THAP2: variants seen among roughly 807,000 people sequenced by gnomAD.
The protein encoded by THAP2 is THAP domain-containing protein 2.
THAP2 carries 16 observed loss-of-function variants against 18.8 expected under a neutral mutation model. That is an observed-to-expected ratio of 0.85 (90% CI 0.58 to 1.29). The LOEUF is 1.29. THAP2 is among the 50% of genes most tolerant of loss of function. The pLI, the probability that THAP2 is intolerant of heterozygous loss-of-function variation, is 0.00. For synonymous variants in THAP2, 80 were observed against 89.2 expected (o/e 0.90, Z 0.58); for missense variants, 251 against 265.3 (o/e 0.95, Z 0.38).
intron 1 of THAP2, among the ~76,000 whole-genome samples, chr12:71,670,198 G>A (rs1236998593): frequency 6.6e-6 from 1 of 152,066 alleles, no homozygotes; most frequent in Non-Finnish European, 1.5e-5. Flanking sequence ...ACCTAATGAG[G>A]CTGCATTTGG....
In THAP2 at chr12:71,679,124, C is replaced by T. The variant is rs1353878913; in HGVS notation, c.*2016C>T. The T allele has an allele frequency of 6.6e-6, 1 of 152,088 alleles. No individual in the cohort carries two copies. Among genetic ancestry groups the T allele is most frequent in the Non-Finnish European group, 1.5e-5 (1 of 67,980 alleles). The allele number at this position is 152,088 out of a possible 1,614,324, so 9.4% of individuals were successfully genotyped here. On this transcript the variant is annotated 3_prime_UTR_variant, in exon 3 of 3. Transcript: ENST00000308086. ...ATACAAAACACTTATTTGTGTAGCC[C>T]AGTTCCCATCTACAGTAATACCTTG...
At chr12:71,675,115 A>C (rs1015408174) in intron 2 of THAP2, among the ~76,000 whole-genome samples, 1 of 152,162 alleles carries the variant, frequency 6.6e-6, no homozygotes, top group African/African-American at 2.4e-5. Context: ...TGGGAAAGAC[A>C]GGGTCACCAA....
chr12:71,670,457 A>G (rs1337307522), intron 1 of THAP2, among the ~76,000 whole-genome samples: 2 of 152,148 alleles, frequency 1.3e-5, no homozygotes, highest in Non-Finnish European at 2.9e-5. Flanking sequence ...CCCTTGAACA[A>G]TGCAGGGTTT....
chr12:71,675,093 G>A (rs1225451915), intron 2 of THAP2, among the ~76,000 whole-genome samples: 1 of 152,014 alleles, frequency 6.6e-6, no homozygotes, highest in East Asian at 1.9e-4. Context: ...TGACCAGAGA[G>A]GAAAACCTAG....
Position 71,677,087 on chromosome 12 carries a change from G to T in THAP2, c.666G>T (p.Gln222His). ...DKTLLSLNLK[Q>H]TKSTFI Reference sequence around the variant, plus strand: ...CACTGCTAAGTCTAAATCTAAAACAGACCAAGAGTACCTTCATTTAAATTT... The same window carrying T: ...CACTGCTAAGTCTAAATCTAAAACATACCAAGAGTACCTTCATTTAAATTT... Residue 222 changes from glutamine to histidine, a missense_variant, in exon 3 of 3, where the codon CAG (glutamine) becomes CAT (histidine). Physicochemically the swap from Gln to His is conservative, Grantham distance 24 (BLOSUM62 0). Coordinates refer to ENST00000308086, the MANE Select transcript of THAP2 (RefSeq NM_031435.4). 6.3e-7 allele frequency: 1 copy of T among 1,591,870 alleles called. No individual in the cohort carries two copies. The highest frequency in any genetic ancestry group is 1.1e-5 in the South Asian group (1 of 87,752).
In THAP2 at chr12:71,664,401, C is replaced by G. The variant is rs1881285729; in HGVS notation, c.-109C>G. 2.9e-6 allele frequency: 4 copies of G among 1,389,300 alleles called. No individual in the cohort carries two copies. The South Asian group carries it at 4.7e-5, about 16-fold the overall frequency. The allele number at this position is 1,389,300 out of a possible 1,614,324, so 86.1% of individuals were successfully genotyped here. A position where few individuals can be genotyped will look rare whatever the true frequency, so the allele number is the denominator to read the frequency against. Reference sequence around the variant, plus strand: ...CCCACTCCGCTCTCACGACTAAGCTCTCACGATTAAGGCACGCCTGCCTCG... The same window carrying G: ...CCCACTCCGCTCTCACGACTAAGCTGTCACGATTAAGGCACGCCTGCCTCG... On this transcript the variant is annotated 5_prime_UTR_variant, in exon 1 of 3. Coordinates refer to ENST00000308086, the MANE Select transcript of THAP2 (RefSeq NM_031435.4).
At position 71,677,649 on chromosome 12, in the gene THAP2, A is replaced by G. The variant is rs2137583629; in HGVS notation, c.*541A>G. ...TTTTACCAGTAAAAGTGAGCTTATC[A>G]TGGCCTCTCTCATAAGAATGATTTT... On this transcript the variant is annotated 3_prime_UTR_variant, in exon 3 of 3. Coordinates refer to ENST00000308086, the MANE Select transcript of THAP2 (RefSeq NM_031435.4). 1 of 151,150 alleles carries G rather than the reference A, an allele frequency of 6.6e-6. No individual in the cohort carries two copies. Among genetic ancestry groups the G allele is most frequent in the South Asian group, 2.1e-4 (1 of 4,800 alleles). The allele number at this position is 151,150 out of a possible 1,614,324, so 9.4% of individuals were successfully genotyped here. A position where few individuals can be genotyped will look rare whatever the true frequency, so the allele number is the denominator to read the frequency against.
chr12:71,665,715 G>A (rs1881324756), intron 1 of THAP2: 1 of 152,206 alleles, frequency 6.6e-6, no homozygotes, highest in South Asian at 2.1e-4. Flanking sequence ...ATGACAGATT[G>A]GGTCCTGTGT....
At chr12:71,676,127 A>G (rs1316815465) in intron 2 of THAP2, among the ~76,000 whole-genome samples, 2 of 152,082 alleles carry the variant, frequency 1.3e-5, no homozygotes, top group Admixed American at 1.3e-4. Flanking sequence ...AAGTCTCCTG[A>G]TTTTGGCAAA....
At chr12:71,673,735 GGTAA>G (rs938714089) in intron 1 of THAP2, among the ~76,000 whole-genome samples, 2 of 152,108 alleles carry the variant, frequency 1.3e-5, no homozygotes, top group African/African-American at 2.4e-5. Context: ...AAAACAAGGT[GGTAA>G]GTGTCTTAAT....
chr12:71,674,269 A>G lies in THAP2; in HGVS notation c.138A>G (p.Pro46=). ...TGGTTAGGCGCAAAAATTTTGTGCCAGGAAAACACACTTTTCTTTGTTCAA... is the reference window on the plus strand; with the variant it reads ...TGGTTAGGCGCAAAAATTTTGTGCCGGGAAAACACACTTTTCTTTGTTCAA... ...VRLVRRKNFV[P]GKHTFLCSKH... The change falls in exon 2 of 3, where the codon CCA becomes CCG. Residue 46 remains proline (P), a synonymous_variant. Coordinates refer to ENST00000308086, the MANE Select transcript of THAP2 (RefSeq NM_031435.4). 1 of 1,613,284 alleles carries G rather than the reference A, an allele frequency of 6.2e-7. No homozygotes were observed. Among genetic ancestry groups the G allele is most frequent in the Non-Finnish European group, 8.5e-7 (1 of 1,179,522 alleles).
chr12:71,675,766 T>C (rs891867770), intron 2 of THAP2, among the ~76,000 whole-genome samples: 2 of 152,116 alleles, frequency 1.3e-5, no homozygotes, highest in Non-Finnish European at 2.9e-5. Context: ...CTAAATTGTA[T>C]AGTATGCCAT....
intron 1 of THAP2, chr12:71,664,783 T>C (rs943224849): frequency 1.3e-4 from 91 of 727,892 alleles, no homozygotes; most frequent in Non-Finnish European, 2.7e-5. Context: ...CTAAAAGAAA[T>C]CCAAGTACTG....
At chr12:71,670,223 A>G (rs553778867) in intron 1 of THAP2, among the ~76,000 whole-genome samples, 2 of 152,200 alleles carry the variant, frequency 1.3e-5, no homozygotes, top group Admixed American at 6.5e-5. Flanking sequence ...TCTGAACCAC[A>G]TGATCTTCTA....
chr12:71,667,326 G>GT (rs1881360601), intron 1 of THAP2, among the ~76,000 whole-genome samples: 1 of 151,926 alleles, frequency 6.6e-6, no homozygotes, highest in South Asian at 2.1e-4. Context: ...CTTCACATTC[G>GT]TATCAGAATA....
rs1881581250 is a variant in THAP2 at position 71,680,330 on chromosome 12, G to A, written c.*3222G>A. The A allele has an allele frequency of 2.0e-5, 3 of 152,434 alleles. No homozygotes were observed. 9.4% of individuals were successfully genotyped at this position (152,434 alleles called of 1,614,324 possible). ...TATCCTTTGTTTAACGTATGAACCA[G>A]GTTACTAAAATAGGATAAATCATGT... is the stretch of plus-strand genomic sequence containing the variant. On this transcript the variant is annotated 3_prime_UTR_variant, in exon 3 of 3. Transcript: ENST00000308086.
In THAP2 at chr12:71,676,787, T is replaced by C. The variant is rs762053556; in HGVS notation, c.366T>C (p.Leu122=). 9.3e-6 allele frequency: 15 copies of C among 1,613,338 alleles called. No homozygotes were observed. The highest frequency in any genetic ancestry group is 1.3e-5 in the Non-Finnish European group (15 of 1,179,572). Residue 122 remains leucine (L), a synonymous_variant, in exon 3 of 3, where the codon CTT becomes CTC. Coordinates refer to ENST00000308086, the MANE Select transcript of THAP2 (RefSeq NM_031435.4). The stretch of plus-strand genomic sequence containing the variant: ...ACATTAGTAGTCAGCAAGTACTACT[T>C]GAACACAGCTATGCCTTTAGGAATC... ...KSNISSQQVL[L]EHSYAFRNPM...
intron 1 of THAP2, 108 bp from the exon 2 acceptor site, chr12:71,674,095 T>C (rs887070383): frequency 1.5e-5 from 17 of 1,116,068 alleles, no homozygotes; most frequent in African/African-American, 3.1e-5. Context: ...TAAAATTTTT[T>C]AGGTAAATGG....
At chr12:71,668,706 A>T (rs754592154) in intron 1 of THAP2, among the ~76,000 whole-genome samples, 2 of 152,238 alleles carry the variant, frequency 1.3e-5, no homozygotes, top group Non-Finnish European at 2.9e-5. Flanking sequence ...TGTATGAGGC[A>T]TTCAACTAAT....
Sources: allele counts gnomAD v4.1 joint callset (sites outside exome capture counted in the v4.1 genomes callset), GRCh38; gene constraint gnomAD v4.1.1; transcripts MANE v1.5; gene names NCBI Gene and HGNC (gene_info 2026-07-23, HGNC 2026-07-21).